NCOA2: variants seen among roughly 807,000 people sequenced by gnomAD.
NCOA2 encodes nuclear receptor coactivator 2, also known as class E basic helix-loop-helix protein 75.
In NCOA2, 21 loss-of-function variants were observed where a neutral mutation model predicts 145.1. That is an observed-to-expected ratio of 0.14 (90% confidence interval 0.10 to 0.21). NCOA2 has a LOEUF of 0.21. Among genes scored for constraint, NCOA2 ranks in the 10% least tolerant of loss-of-function variants. NCOA2 has a pLI of 1.00. For missense variants in NCOA2, 1,472 were observed against 1,837.6 expected, an observed-to-expected ratio of 0.80 and a Z score of 3.64; for synonymous variants, 619 against 637.5, an observed-to-expected ratio of 0.97 and a Z score of 0.44.
At chr8:70,233,662 A>G (rs528730495) in intron 2 of NCOA2, among the ~76,000 whole-genome samples, 1 of 152,280 alleles carries the variant, frequency 6.6e-6, no homozygotes, top group Non-Finnish European at 1.5e-5. Context: ...GTTAAAAATC[A>G]CACCCCTTCC....
rs563295313 is a variant in NCOA2, at chr8:70,189,251, G to A, written c.260-14392C>T. Among the ~76,000 whole-genome samples, 12 of 152,258 alleles carry A rather than the reference G, an allele frequency of 7.9e-5. No homozygotes were observed. The South Asian group carries it at 1.2e-3, about 16-fold the overall frequency. ...GCCACTGAATTTACTGGATAGTGAC[G>A]GGCCTTCTTGGTTCAGCAGATGCCA... On this transcript the variant is annotated intron_variant, in intron 4 of 22. Coordinates refer to ENST00000452400, the MANE Select transcript of NCOA2 (RefSeq NM_006540.4).
intron 1 of NCOA2, among the ~76,000 whole-genome samples, chr8:70,305,508 C>T (rs1394667325): frequency 6.6e-6 from 1 of 152,112 alleles, no homozygotes; most frequent in Non-Finnish European, 1.5e-5. Flanking sequence ...CACAATTTAT[C>T]TAAAGTCAAA....
intron 2 of NCOA2, among the ~76,000 whole-genome samples, chr8:70,289,826 CT>C (rs1006720162): frequency 8.0e-5 from 12 of 149,796 alleles, no homozygotes; most frequent in Admixed American, 2.0e-4. Flanking sequence ...GTGCTACACA[CT>C]TTTTTTTTTC....
intron 6 of NCOA2, among the ~76,000 whole-genome samples, chr8:70,167,521 G>A (rs1813752857): frequency 6.6e-6 from 1 of 152,052 alleles, no homozygotes; most frequent in Non-Finnish European, 1.5e-5. Flanking sequence ...GCCTCCTTGG[G>A]CAGATTTTTC....
intron 2 of NCOA2, among the ~76,000 whole-genome samples, chr8:70,257,629 C>T (rs1823740422): frequency 6.6e-6 from 1 of 152,142 alleles, no homozygotes; most frequent in African/African-American, 2.4e-5. Flanking sequence ...CGCCTCACAT[C>T]GCTACTGCCA....
At chr8:70,144,495 G>A in intron 13 of NCOA2, 147 bp downstream of exon 13, 1 of 692,392 alleles carries the variant, frequency 1.4e-6, no homozygotes, top group East Asian at 2.7e-5. Context: ...CATTCTCACA[G>A]TGAAAATCTG....
chr8:70,147,118 G>A (rs923055765), intron 12 of NCOA2, among the ~76,000 whole-genome samples: 3 of 150,438 alleles, frequency 2.0e-5, no homozygotes, highest in South Asian at 2.1e-4. Context: ...TTTCGCGCGC[G>A]CGCGCGCGCG....
intron 2 of NCOA2, among the ~76,000 whole-genome samples, chr8:70,220,553 G>A (rs1018229398): frequency 2.6e-5 from 4 of 152,172 alleles, no homozygotes; most frequent in African/African-American, 4.8e-5. Context: ...ATAGCCTTAC[G>A]ATTAGTAAGT....
At chr8:70,441,996 GGAAAGAAAGAAAT>G in the NCOA2 span, among the ~76,000 whole-genome samples, 1 of 42,312 alleles carries the variant, frequency 2.4e-5, no homozygotes, top group Non-Finnish European at 6.8e-5. Flanking sequence ...GAGAAAGAAA[GGAAAGAAAGAAAT>G]AAAGGAAAGA....
intron 1 of NCOA2, among the ~76,000 whole-genome samples, chr8:70,388,180 A>G (rs1812845588): frequency 6.6e-6 from 1 of 152,264 alleles, no homozygotes. Context: ...AAGGAAGCAA[A>G]GAATTTAAGG....
At position 70,138,216 on chromosome 8, in the gene NCOA2, C is replaced by T. The variant is rs981115730; in HGVS notation, c.3145G>A (p.Ala1049Thr). Reference protein sequence around the residue: ...SILPIDQASFASQNRQPFGSS... With the variant: ...SILPIDQASFTSQNRQPFGSS... Reference sequence around the variant, plus strand: ...CTCAGGACTCACCTGTTTTGGCTGGCAAAAGACGCCTGGTCTATAGGCAGG... The same window carrying T: ...CTCAGGACTCACCTGTTTTGGCTGGTAAAAGACGCCTGGTCTATAGGCAGG... Residue 1049 changes from alanine (A) to threonine (T), a missense_variant, in exon 15 of 23, where the codon GCC (alanine) becomes ACC (threonine). Physicochemically the swap from Ala to Thr is moderately conservative, Grantham distance 58. Around this residue, in one of 4 missense-constraint regions of NCOA2, gnomAD observed 953 missense variants for 1,062.1 expected, o/e 0.90. Transcript: ENST00000452400. 5.0e-6 allele frequency: 8 copies of T among 1,612,960 alleles called. No homozygotes were observed. The highest frequency in any genetic ancestry group is 6.8e-6 in the Non-Finnish European group (8 of 1,179,588).
intron 22 of NCOA2, among the ~76,000 whole-genome samples, chr8:70,116,186 T>TAAAAAAAAAAAA (rs71558579): frequency 9.9e-5 from 8 of 80,674 alleles, no homozygotes; most frequent in African/African-American, 3.7e-4. Context: ...GACTCTGTCT[T>TAAAAAAAAAAAA]AAAAAAAAAA....
At position 70,123,240 on chromosome 8, in the gene NCOA2, G is replaced by A. The variant is rs543504664; in HGVS notation, c.4293+644C>T. Reference sequence around the variant, plus strand: ...TCCAAAGTAAAAAGAATAGTTTTTGGATTATCTGTGTCGGTCTCTTTGCAT... The same window carrying A: ...TCCAAAGTAAAAAGAATAGTTTTTGAATTATCTGTGTCGGTCTCTTTGCAT... On this transcript the variant is annotated intron_variant, in intron 21 of 22. Coordinates refer to ENST00000452400, the MANE Select transcript of NCOA2 (RefSeq NM_006540.4). Among the ~76,000 whole-genome samples, 230 of 152,284 alleles carry A rather than the reference G, an allele frequency of 1.5e-3. No homozygotes were observed. The Middle Eastern group carries it at 0.027, about 18-fold the overall frequency.
chr8:70,249,206 A>G lies in NCOA2; in HGVS notation c.-19-32442T>C, dbSNP rs149022425. On this transcript the variant is annotated intron_variant, in intron 2 of 22. Coordinates refer to ENST00000452400, the MANE Select transcript of NCOA2 (RefSeq NM_006540.4). ...CAGGCTCCTCAGCATTAGAGCACTG[A>G]CATTGAAGAGCAGACACCATACCTT... 6.6e-3 allele frequency among the ~76,000 whole-genome samples: 1,007 copies of G among 152,242 alleles called. 12 individuals are homozygous for G. The highest frequency in any genetic ancestry group is 0.023 in the African/African-American group (956 of 41,548).
At chr8:70,347,891 T>C (rs1015300339) in intron 1 of NCOA2, among the ~76,000 whole-genome samples, 2 of 152,236 alleles carry the variant, frequency 1.3e-5, no homozygotes, top group African/African-American at 4.8e-5. Flanking sequence ...ACTTCTGTAT[T>C]GTTAATTTGC....
Position 70,170,395 on chromosome 8 carries a change from C to A in NCOA2, c.364-16G>T, listed in dbSNP as rs1252296978. The A allele has an allele frequency of 6.4e-7, 1 of 1,553,492 alleles. No homozygotes were observed. ...CATCAAGGGCCTAGGGAACAAAGTA[C>A]AAATTGTGTTAGAAAGGATGCAACA... On this transcript the variant is annotated splice_polypyrimidine_tract_variant and intron_variant, in intron 5 of 22. Coordinates refer to ENST00000452400, the MANE Select transcript of NCOA2 (RefSeq NM_006540.4).
At chr8:70,200,581 C>T (rs1350787847) in intron 4 of NCOA2, among the ~76,000 whole-genome samples, 1 of 152,164 alleles carries the variant, frequency 6.6e-6, no homozygotes, top group Non-Finnish European at 1.5e-5. Context: ...CTACCTATCC[C>T]TAGTCAGGTG....
intron 9 of NCOA2, 27 bp from the exon 10 acceptor site, chr8:70,159,679 C>A (rs1309502840): frequency 2.5e-6 from 4 of 1,582,746 alleles, no homozygotes; most frequent in East Asian, 2.3e-5. Context: ...AAACAGAAGG[C>A]ACGTTTAGAA....
chr8:70,237,731 C>T (rs1821755948), intron 2 of NCOA2, among the ~76,000 whole-genome samples: 1 of 152,084 alleles, frequency 6.6e-6, no homozygotes, highest in African/African-American at 2.4e-5. Context: ...AATCACATCA[C>T]TGCACTCCAG....
Sources: gnomAD v4.1 joint callset for allele counts (sites outside exome capture counted in the v4.1 genomes callset) on GRCh38, gnomAD v4.1.1 for gene constraint, gnomAD v4.1.1 regional missense constraint, MANE v1.5 for transcripts, NCBI Gene and HGNC (gene_info 2026-07-23, HGNC 2026-07-21) for gene names.